SLC30A6: variants seen among roughly 807,000 people sequenced by gnomAD.
The protein encoded by SLC30A6 is solute carrier family 30 member 6, also known as zinc transporter 6.
A neutral mutation model predicts 63.0 loss-of-function variants in SLC30A6; 55 were observed. The ratio of observed to expected loss-of-function variants is 0.87; its 90% confidence interval spans 0.70 to 1.09. The LOEUF is 1.09. SLC30A6 is among the 50% of genes least tolerant of loss of function. The pLI, the probability that SLC30A6 is intolerant of heterozygous loss-of-function variation, is 0.00. For missense variants in SLC30A6, 587 were observed against 549.2 expected, an observed-to-expected ratio of 1.07 and a Z score of -0.69; for synonymous variants, 224 against 186.1, an observed-to-expected ratio of 1.20 and a Z score of -1.66.
chr2:32,191,896 C>G (rs1387842880), intron 5 of SLC30A6, among the ~76,000 whole-genome samples: 1 of 151,934 alleles, frequency 6.6e-6, no homozygotes, highest in African/African-American at 2.4e-5. Context: ...TAAAGTAATT[C>G]TAATAAGGGG....
chr2:32,216,717 G>GAT (rs1441807818), intron 13 of SLC30A6, among the ~76,000 whole-genome samples: 7 of 151,850 alleles, frequency 4.6e-5, no homozygotes, highest in African/African-American at 1.7e-4. Context: ...CTTCTTTTGA[G>GAT]ATGTATCTTC....
Position 32,221,180 on chromosome 2 carries a change from G to T in SLC30A6, c.*467G>T, listed in dbSNP as rs962189438. On this transcript the variant is annotated 3_prime_UTR_variant, in exon 14 of 14. Transcript: ENST00000282587. ...GTTTTTGTTTTGTTTTGTTTTTTGA[G>T]ATGGAGTCTCACTCTGTCGCCCAGG... is the stretch of plus-strand genomic sequence containing the variant. The T allele has an allele frequency of 1.7e-4, 36 of 205,910 alleles. No homozygotes were observed. The highest frequency in any genetic ancestry group is 1.6e-3 in the Admixed American group (31 of 19,094). The allele number at this position is 205,910 out of a possible 1,614,324, so 12.8% of individuals were successfully genotyped here.
At chr2:32,209,380 T>A in intron 12 of SLC30A6, 113 bp from the exon 13 acceptor site, 2 of 734,302 alleles carry the variant, frequency 2.7e-6, no homozygotes, top group Non-Finnish European at 4.5e-6. Context: ...TGAGTGTCCT[T>A]GTGCAGGATT....
In SLC30A6 at chr2:32,166,845, A is replaced by G. The variant is rs1326196902; in HGVS notation, c.3+942A>G. Reference sequence around the variant, plus strand: ...ATCCTTTTGCACACAGAAAATGGGTAAAAGTTTACACTTTTTGGCTAATGA... The same window carrying G: ...ATCCTTTTGCACACAGAAAATGGGTGAAAGTTTACACTTTTTGGCTAATGA... On this transcript the variant is annotated intron_variant, in intron 1 of 13. Coordinates refer to ENST00000282587, the MANE Select transcript of SLC30A6 (RefSeq NM_017964.5). 9.9e-5 allele frequency among the ~76,000 whole-genome samples: 15 copies of G among 152,248 alleles called. 1 individual carries two copies. The highest frequency in any genetic ancestry group is 2.9e-5 in the Non-Finnish European group (2 of 68,036).
At chr2:32,196,758 C>G (rs1573349274) in intron 8 of SLC30A6, among the ~76,000 whole-genome samples, 1 of 152,100 alleles carries the variant, frequency 6.6e-6, no homozygotes, top group Non-Finnish European at 1.5e-5. Flanking sequence ...TTAGGAAGCT[C>G]TGCTTAAAAG....
intron 12 of SLC30A6, among the ~76,000 whole-genome samples, chr2:32,207,640 G>A (rs972633314): frequency 3.5e-4 from 52 of 148,942 alleles, no homozygotes; most frequent in African/African-American, 1.3e-3. Context: ...CTCCCAAAGT[G>A]CTGGGATTAC....
intron 3 of SLC30A6, among the ~76,000 whole-genome samples, 185 bp downstream of exon 3, chr2:32,174,332 A>T (rs187552946): frequency 1.3e-5 from 2 of 152,106 alleles, no homozygotes; most frequent in African/African-American, 4.8e-5. Context: ...TTAGGATTGT[A>T]ATTTTTTTTT....
intron 5 of SLC30A6, among the ~76,000 whole-genome samples, chr2:32,189,558 A>G (rs1429614423): frequency 8.9e-5 from 13 of 145,960 alleles, no homozygotes; most frequent in Non-Finnish European, 1.8e-4. Context: ...TGGCCTCCCA[A>G]AGTGCTGGGA....
chr2:32,176,635 G>A (rs1010336981), intron 4 of SLC30A6, among the ~76,000 whole-genome samples: 1 of 150,646 alleles, frequency 6.6e-6, no homozygotes, highest in African/African-American at 2.4e-5. Context: ...TCCAGCCTGG[G>A]CGACAGAGTG....
intron 1 of SLC30A6, among the ~76,000 whole-genome samples, chr2:32,168,231 G>A (rs1250391109): frequency 6.8e-6 from 1 of 146,810 alleles, no homozygotes; most frequent in Admixed American, 6.8e-5. Context: ...CAAATAAAAC[G>A]TCTGTTTTAT....
rs560541158 is a variant in SLC30A6 at position 32,181,947 on chromosome 2, T to C, written c.219-2326T>C. ...GTTTTTCTTTTCTTTTTTTTTTTTT[T>C]TTTTTGAGACAGGGTATTACTCTGT... On this transcript the variant is annotated intron_variant, in intron 4 of 13. Coordinates refer to ENST00000282587, the MANE Select transcript of SLC30A6 (RefSeq NM_017964.5). 4.3e-3 allele frequency among the ~76,000 whole-genome samples: 642 copies of C among 150,050 alleles called. 2 individuals are homozygous for C. The highest frequency in any genetic ancestry group is 0.015 in the African/African-American group (611 of 40,978).
At chr2:32,214,736 A>G (rs1190066402) in intron 13 of SLC30A6, among the ~76,000 whole-genome samples, 1 of 152,244 alleles carries the variant, frequency 6.6e-6, no homozygotes, top group African/African-American at 2.4e-5. Flanking sequence ...CACAAAAGCC[A>G]TAGATTAACG....
intron 11 of SLC30A6, among the ~76,000 whole-genome samples, chr2:32,206,489 G>C (rs972260594): frequency 2.0e-5 from 3 of 151,358 alleles, no homozygotes; most frequent in Admixed American, 1.3e-4. Flanking sequence ...TGTAAGCACT[G>C]TGGTTCCTTC....
rs1238889852 is a variant in SLC30A6 at position 32,220,323 on chromosome 2, C to G, written c.996C>G (p.Phe332Leu). Reference protein sequence around the residue: ...TLVSTLTVQIFKDDWIRPALL... With the variant: ...TLVSTLTVQILKDDWIRPALL... The stretch of plus-strand genomic sequence containing the variant: ...TGTCTACTCTAACTGTTCAAATTTT[C>G]AAGGATGACTGGATTAGGCCTGCCT... Residue 332 changes from phenylalanine to leucine, a missense_variant, in exon 14 of 14, where the codon TTC becomes TTG. By Grantham distance (22) the Phe-to-Leu change is conservative. Coordinates refer to ENST00000282587, the MANE Select transcript of SLC30A6 (RefSeq NM_017964.5). 3.0e-5 allele frequency: 48 copies of G among 1,614,094 alleles called. No homozygotes were observed. Among genetic ancestry groups the G allele is most frequent in the Non-Finnish European group, 3.7e-5 (44 of 1,180,046 alleles).
At chr2:32,217,043 C>T (rs959976614) in intron 13 of SLC30A6, among the ~76,000 whole-genome samples, 2 of 151,746 alleles carry the variant, frequency 1.3e-5, no homozygotes, top group African/African-American at 4.8e-5. Context: ...CATTTGCCAC[C>T]ACGCCCGGCA....
rs1686110917 is a variant in SLC30A6, at chr2:32,221,016, G to A, written c.*303G>A. 1 of 288,580 alleles carries A rather than the reference G, an allele frequency of 3.5e-6. No individual in the cohort carries two copies. Among genetic ancestry groups the A allele is most frequent in the African/African-American group, 2.2e-5 (1 of 45,904 alleles). 17.9% of individuals were successfully genotyped at this position (288,580 alleles called of 1,614,324 possible). ...GTGATGTGACCTTACCTTTATAAGA[G>A]CCACTTGATGGAGTAGATCTGTCAC... On this transcript the variant is annotated 3_prime_UTR_variant, in exon 14 of 14. Transcript: ENST00000282587.
intron 10 of SLC30A6, chr2:32,203,423 G>A (rs1201485458): frequency 1.4e-6 from 2 of 1,417,492 alleles, no homozygotes; most frequent in African/African-American, 2.8e-5. Flanking sequence ...TTATGCTGCT[G>A]TTGATTTTTT....
chr2:32,206,912 G>A lies in SLC30A6; in HGVS notation c.795G>A (p.Gln265=). 6.2e-7 allele frequency: 1 copy of A among 1,610,950 alleles called. No homozygotes were observed. The highest frequency in any genetic ancestry group is 8.5e-7 in the Non-Finnish European group (1 of 1,177,274). ...CAACACCACCCCATGTTATTGGTCA[G>A]TTGGACAAACTCATCAGAGAGGTAA... The part of the protein sequence containing the change: ...LQTTPPHVIG[Q]LDKLIREVST... Residue 265 remains glutamine, a synonymous_variant, in exon 12 of 14, where the codon CAG becomes CAA. Coordinates refer to ENST00000282587, the MANE Select transcript of SLC30A6 (RefSeq NM_017964.5).
At chr2:32,170,544 T>C (rs1298300162) in intron 1 of SLC30A6, among the ~76,000 whole-genome samples, 1 of 152,208 alleles carries the variant, frequency 6.6e-6, no homozygotes, top group Non-Finnish European at 1.5e-5. Context: ...GGATGTCAGA[T>C]ACTTTGACTG....
Sources: allele counts gnomAD v4.1 joint callset (sites outside exome capture counted in the v4.1 genomes callset), GRCh38; gene constraint gnomAD v4.1.1; transcripts MANE v1.5; gene names NCBI Gene and HGNC (gene_info 2026-07-23, HGNC 2026-07-21).